TOP1MT: variants seen among roughly 807,000 people sequenced by gnomAD.
TOP1MT encodes the protein DNA topoisomerase I, mitochondrial.
In TOP1MT, 80 loss-of-function variants were observed where a neutral mutation model predicts 73.9. That is an observed-to-expected ratio of 1.08 (90% CI 0.90 to 1.30). The LOEUF is 1.30. Among genes scored for constraint, TOP1MT ranks in the 50% most tolerant of loss-of-function variants. The pLI is 0.00. For missense variants in TOP1MT, 815 were observed against 808.0 expected (o/e 1.01, Z -0.10); for synonymous variants, 338 against 326.4 (o/e 1.04, Z -0.38).
At position 143,321,212 on chromosome 8, in the gene TOP1MT, C is replaced by A. The variant is rs763039733; in HGVS notation, c.1135G>T (p.Val379Leu). ...DCIRYYNRVP[V>L]EKPVYKNLQL... ...GCGAGGGCACTCACCGGCTTCTCCA[C>A]CGGCACTCTGTTGTAGTAGCGGATG... The change falls in exon 8 of 14, where the codon GTG becomes TTG. Residue 379 changes from valine (V) to leucine (L), a missense_variant. By Grantham distance (32) the Val-to-Leu change is conservative (BLOSUM62 1). Coordinates refer to ENST00000329245, the MANE Select transcript of TOP1MT (RefSeq NM_052963.3). 1 of 1,598,650 alleles carries A rather than the reference C, an allele frequency of 6.3e-7. No homozygotes were observed. The highest frequency in any genetic ancestry group is 8.5e-7 in the Non-Finnish European group (1 of 1,170,270).
At chr8:143,354,683 G>A (rs1817377937) in intron 1 of TOP1MT, among the ~76,000 whole-genome samples, 1 of 151,596 alleles carries the variant, frequency 6.6e-6, no homozygotes, top group South Asian at 2.1e-4. Flanking sequence ...TTGCACTCCA[G>A]CCTGGGCAGC....
rs111940753 is a variant in TOP1MT, at chr8:143,339,970, G to A, written c.29+3250C>T. Among the ~76,000 whole-genome samples the A allele has an allele frequency of 2.9e-4, 9 of 31,146 alleles. No homozygotes were observed. In the East Asian group the frequency reaches 6.7e-3, roughly 23 times the overall value. The allele number at this position is 31,146 out of a possible 152,430, so 20.4% of individuals were successfully genotyped here. ...GCACTGGTCTACACAGCATTCCCCC[G>A]TCCCAGCACTGGTCTACACAGCATT... On this transcript the variant is annotated intron_variant, in intron 2 of 5. Coordinates refer to the TOP1MT transcript ENST00000518007.
intron 7 of TOP1MT, among the ~76,000 whole-genome samples, chr8:143,321,919 A>ACACACACGCACGC (rs1563758538): frequency 5.4e-5 from 4 of 73,952 alleles, no homozygotes; most frequent in Non-Finnish European, 7.7e-5. Flanking sequence ...CAGGCACGCC[A>ACACACACGCACGC]CACACATGCA....
At chr8:143,325,783 T>C (rs1483880244) in intron 4 of TOP1MT, among the ~76,000 whole-genome samples, 1 of 152,112 alleles carries the variant, frequency 6.6e-6, no homozygotes, top group Non-Finnish European at 1.5e-5. Context: ...TCGGCTGTTT[T>C]AGGCCTAAGC....
At chr8:143,327,641 A>G in intron 3 of TOP1MT, 1 of 278,672 alleles carries the variant, frequency 3.6e-6, no homozygotes, top group Non-Finnish European at 7.3e-6. Flanking sequence ...GCTTTGTGAC[A>G]CTGCCTCCCT....
chr8:143,334,904 A>C (rs1816955192), upstream of TOP1MT: 1 of 1,382,950 alleles, frequency 7.2e-7, no homozygotes, highest in African/African-American at 1.6e-5. Flanking sequence ...GCCCCGCCCC[A>C]GCGGCCAGCC....
intron 12 of TOP1MT, among the ~76,000 whole-genome samples, chr8:143,313,860 G>GA (rs775683065): frequency 0.049 from 5,879 of 120,894 alleles, 382 homozygotes; most frequent in African/African-American, 0.16. Context: ...GTCTCCAAAG[G>GA]AAAAAAAAAA....
rs921443417 is a variant in TOP1MT at position 143,324,646 on chromosome 8, A to G, written c.672-17T>C. 6 of 1,610,290 alleles carry G rather than the reference A, an allele frequency of 3.7e-6. No individual in the cohort carries two copies. Among genetic ancestry groups the G allele is most frequent in the Non-Finnish European group, 3.4e-6 (4 of 1,178,276 alleles). ...TTCGAGTCCCTGCAGCAGAACAACG[A>G]CCCAAACATAACTTGGAGACCTTAT... On this transcript the variant is annotated splice_polypyrimidine_tract_variant and intron_variant, in intron 5 of 13. Coordinates refer to ENST00000329245, the MANE Select transcript of TOP1MT (RefSeq NM_052963.3).
chr8:143,321,708 TGCCACACACGCAC>T lies in TOP1MT; in HGVS notation c.961-335_961-323del, dbSNP rs1210130371. On this transcript the variant is annotated intron_variant, in intron 7 of 13. Coordinates refer to ENST00000329245, the MANE Select transcript of TOP1MT (RefSeq NM_052963.3). Reference sequence around the variant, plus strand: ...GCCACGCACGCACGCCACGCACACATGCCACACACGCACGCCACACACAGGTACGCCACACACG... The same window carrying T: ...GCCACGCACGCACGCCACGCACACATGCCACACACAGGTACGCCACACACG... Among the ~76,000 whole-genome samples the T allele has an allele frequency of 7.9e-3, 228 of 28,790 alleles. 18 individuals are homozygous for T. The highest frequency in any genetic ancestry group is 0.04 in the African/African-American group (216 of 5,384). The allele number at this position is 28,790 out of a possible 152,430, so 18.9% of individuals were successfully genotyped here.
chr8:143,309,618 G>T, intron 13 of TOP1MT, 75 bp from the exon 14 acceptor site: 1 of 1,596,186 alleles, frequency 6.3e-7, no homozygotes, highest in South Asian at 1.1e-5. Flanking sequence ...TGCTCGGCAA[G>T]GGCGAGCGTC....
intron 7 of TOP1MT, among the ~76,000 whole-genome samples, chr8:143,321,771 C>T (rs147993458): frequency 0.11 from 7,282 of 64,650 alleles, 734 homozygotes; most frequent in East Asian, 0.38. Flanking sequence ...AGGCACGCCA[C>T]ACACACGCAC....
At chr8:143,324,899 A>G (rs1445491968) in intron 5 of TOP1MT, among the ~76,000 whole-genome samples, 1 of 152,186 alleles carries the variant, frequency 6.6e-6, no homozygotes, top group African/African-American at 2.4e-5. Flanking sequence ...TCTCAGCACC[A>G]ACTGGGACGA....
rs1175799496 is a variant in TOP1MT at position 143,342,502 on chromosome 8, G to GTTA, written c.29+715_29+717dup. Among the ~76,000 whole-genome samples, 18 of 91,996 alleles carry GTTA rather than the reference G, an allele frequency of 2.0e-4. 1 individual carries two copies. Among genetic ancestry groups the GTTA allele is most frequent in the African/African-American group, 1.2e-4 (1 of 8,626 alleles). The allele number at this position is 91,996 out of a possible 152,430, so 60.4% of individuals were successfully genotyped here. A position where few individuals can be genotyped will look rare whatever the true frequency, so the allele number is the denominator to read the frequency against. On this transcript the variant is annotated intron_variant, in intron 2 of 5. Coordinates refer to the TOP1MT transcript ENST00000518007. Reference sequence around the variant, plus strand: ...TTATTATTAGAGACAGAGTCTCGCTGTTATTATTATTATTATTAGAGACAG... The same window carrying GTTA: ...TTATTATTAGAGACAGAGTCTCGCTGTTATTATTATTATTATTATTAGAGACAG...
intron 12 of TOP1MT, among the ~76,000 whole-genome samples, chr8:143,314,722 G>C (rs1227781109): frequency 6.6e-6 from 1 of 152,178 alleles, no homozygotes; most frequent in East Asian, 1.9e-4. Context: ...GCAAGAGACT[G>C]AGGGCACGAG....
intron 7 of TOP1MT, among the ~76,000 whole-genome samples, chr8:143,321,987 CA>C (rs1816426919): frequency 3.5e-5 from 2 of 57,410 alleles, no homozygotes; most frequent in Non-Finnish European, 7.6e-5. Flanking sequence ...ACGCACGCCA[CA>C]CACATGCACG....
intron 1 of TOP1MT, among the ~76,000 whole-genome samples, chr8:143,352,313 A>G (rs1224383732): frequency 6.6e-6 from 1 of 152,224 alleles, no homozygotes; most frequent in Non-Finnish European, 1.5e-5. Context: ...TACAGTGATG[A>G]AGACAGCGGG....
intron 7 of TOP1MT, among the ~76,000 whole-genome samples, chr8:143,321,911 G>GGCACAT (rs1563758517): frequency 0.01 from 148 of 14,446 alleles, 2 homozygotes; most frequent in East Asian, 0.034. Flanking sequence ...CACACACACA[G>GGCACAT]GCACGCCACA....
Position 143,321,315 on chromosome 8 carries a change from G to A in TOP1MT, c.1032C>T (p.Arg344=), listed in dbSNP as rs11544482. 7 of 1,611,230 alleles carry A rather than the reference G, an allele frequency of 4.3e-6. No homozygotes were observed. Among genetic ancestry groups the A allele is most frequent in the Admixed American group, 1.7e-5 (1 of 59,846 alleles). ...CCGGGTGCAGCTGGACGTGCTCCAC[G>A]CGGAGGGAACAGCAGCCCACGGTGT... The part of the protein sequence containing the change: ...AADTVGCCSL[R]VEHVQLHPEA... The change falls in exon 8 of 14, where the codon CGC becomes CGT. Residue 344 remains arginine (R), a synonymous_variant. Coordinates refer to ENST00000329245, the MANE Select transcript of TOP1MT (RefSeq NM_052963.3).
intron 3 of TOP1MT, 67 bp from the exon 4 acceptor site, chr8:143,326,411 T>G: frequency 1.3e-6 from 2 of 1,596,236 alleles, no homozygotes; most frequent in Non-Finnish European, 1.7e-6. Context: ...GCTCTCGCCA[T>G]GTCTGACGGA....
Sources: allele counts gnomAD v4.1 joint callset (sites outside exome capture counted in the v4.1 genomes callset), GRCh38; gene constraint gnomAD v4.1.1; transcripts MANE v1.5; gene names NCBI Gene and HGNC (gene_info 2026-07-23, HGNC 2026-07-21).